The following TAPBPL variants were observed in gnomAD, a reference collection of about 807,000 sequenced individuals.
TAPBPL encodes TAP binding protein like, also known as tapasin-related protein.
A neutral mutation model predicts 44.8 loss-of-function variants in TAPBPL; 32 were observed. The observed-to-expected ratio is 0.71, with a 90% CI of 0.54 to 0.96. The LOEUF is 0.96. TAPBPL is among the 40% of genes least tolerant of loss of function. The pLI is 0.00. For synonymous variants in TAPBPL, 230 were observed against 240.7 expected (o/e 0.96, Z 0.41); for missense variants, 520 against 586.6 (o/e 0.89, Z 1.17).
rs1207495977 is a variant in TAPBPL, at chr12:6,462,257, T to C, written c.*108T>C. ...GCCAGTTTAATGGTAGGAATTTGTA[T>C]TTTTTGCCTTTGTTCAGAATACATG... On this transcript the variant is annotated 3_prime_UTR_variant, in exon 7 of 7. Transcript: ENST00000266556. 11 of 977,280 alleles carry C rather than the reference T, an allele frequency of 1.1e-5. No homozygotes were observed. Among genetic ancestry groups the C allele is most frequent in the Non-Finnish European group, 1.5e-5 (10 of 667,812 alleles). The allele number at this position is 977,280 out of a possible 1,614,324, so 60.5% of individuals were successfully genotyped here.
intron 4 of TAPBPL, among the ~76,000 whole-genome samples, chr12:6,458,161 A>C (rs1171104348): frequency 1.3e-5 from 2 of 152,156 alleles, no homozygotes; most frequent in Admixed American, 6.5e-5. Flanking sequence ...GCGGATCACG[A>C]GGTCAGGAGT....
intron 3 of TAPBPL, among the ~76,000 whole-genome samples, chr12:6,456,632 G>A (rs1356865841): frequency 1.3e-5 from 2 of 151,400 alleles, no homozygotes; most frequent in African/African-American, 2.4e-5. Context: ...CCAATACCAC[G>A]TGTGTTTTTT....
At chr12:6,470,596 G>A (rs1945749421), downstream of TAPBPL, 18 of 1,606,224 alleles carry the variant, frequency 1.1e-5, no homozygotes, top group Non-Finnish European at 1.4e-5. Context: ...CCCGGTGAGG[G>A]ACGCTGCGGC....
At chr12:6,464,948 A>C (rs1592146595), downstream of TAPBPL, 2 of 1,613,696 alleles carry the variant, frequency 1.2e-6, no homozygotes, top group East Asian at 2.2e-5. Context: ...TCATCTGAGG[A>C]AACATGGACA....
At chr12:6,467,213 GA>G, downstream of TAPBPL, 1 of 161,254 alleles carries the variant, frequency 6.2e-6, no homozygotes, top group African/African-American at 2.4e-5. Flanking sequence ...GGGTGTTGCT[GA>G]AAAGATACCC....
chr12:6,465,458 G>GTA (rs1285888979), downstream of TAPBPL: 1 of 101,894 alleles, frequency 9.8e-6, no homozygotes, highest in African/African-American at 5.3e-5. Context: ...ATACATATGT[G>GTA]TATATATAGT....
At position 6,460,852 on chromosome 12, in the gene TAPBPL, C is replaced by G; in HGVS notation, c.1208-3C>G. On this transcript the variant is annotated splice_region_variant and splice_polypyrimidine_tract_variant and intron_variant, in intron 5 of 6. Coordinates refer to ENST00000266556, the MANE Select transcript of TAPBPL (RefSeq NM_018009.5). Reference sequence around the variant, plus strand: ...TCCCCGCCCACGTTGCTCTCACCTACAGAGCGGAGAACAGCCTTGGGAGTC... The same window carrying G: ...TCCCCGCCCACGTTGCTCTCACCTAGAGAGCGGAGAACAGCCTTGGGAGTC... The G allele has an allele frequency of 6.2e-7, 1 of 1,614,102 alleles. No homozygotes were observed. The highest frequency in any genetic ancestry group is 8.5e-7 in the Non-Finnish European group (1 of 1,179,974).
chr12:6,463,078 C>T, downstream of TAPBPL: 2 of 1,531,454 alleles, frequency 1.3e-6, no homozygotes, highest in East Asian at 4.9e-5. This position sits in a 1 kb window ranked among gnomAD's most constrained non-coding sequence, Gnocchi z 4.0. Context: ...ATTAATAGCC[C>T]ATCCTGAAGC....
chr12:6,467,949 C>T (rs978973991), downstream of TAPBPL, among the ~76,000 whole-genome samples: 6 of 152,220 alleles, frequency 3.9e-5, no homozygotes, highest in African/African-American at 1.2e-4. Context: ...CGGGAACCTC[C>T]GTCTAGACTT....
downstream of TAPBPL, chr12:6,464,193 T>C (rs1335064170): frequency 6.1e-6 from 9 of 1,471,588 alleles, no homozygotes; most frequent in Non-Finnish European, 8.1e-6. Flanking sequence ...TCCAACTCTT[T>C]GGGGCTTTGG....
At position 6,452,276 on chromosome 12, in the gene TAPBPL, C is replaced by T. The variant is rs1308977192; in HGVS notation, c.28C>T (p.Leu10=). The change falls in exon 1 of 7, where the codon CTG becomes TTG. Residue 10 remains leucine (L), a synonymous_variant. Coordinates refer to ENST00000266556, the MANE Select transcript of TAPBPL (RefSeq NM_018009.5). MGTQEGWCL[L]LCLALSGAAE... ...GGGCACACAGGAGGGCTGGTGCCTG[C>T]TGCTCTGCCTGGCTCTATCTGGAGC... 1 of 1,574,860 alleles carries T rather than the reference C, an allele frequency of 6.3e-7. No homozygotes were observed. The highest frequency in any genetic ancestry group is 1.3e-5 in the African/African-American group (1 of 74,792).
Position 6,457,433 on chromosome 12 carries a change from A to T in TAPBPL, c.593A>T (p.Gln198Leu). ...GAGTTCCAGGTGATGACACAGACCC[A>T]ATCCCTGAGCTTCCTGCTGGGGTCC... ...AVEFQVMTQT[Q>L]SLSFLLGSSA... The change falls in exon 4 of 7, where the codon CAA becomes CTA. Residue 198 changes from glutamine to leucine, a missense_variant. Physicochemically the swap from Gln to Leu is moderately radical, Grantham distance 113. Coordinates refer to ENST00000266556, the MANE Select transcript of TAPBPL (RefSeq NM_018009.5). 6.2e-7 allele frequency: 1 copy of T among 1,614,116 alleles called. No homozygotes were observed.
rs373537431 is a variant in TAPBPL at position 6,453,104 on chromosome 12, C to T, written c.102C>T (p.Asp34=). The T allele has an allele frequency of 5.3e-5, 83 of 1,579,194 alleles. No individual in the cohort carries two copies. Among genetic ancestry groups the T allele is most frequent in the Non-Finnish European group, 7.1e-5 (82 of 1,162,352 alleles). Residue 34 remains aspartate, a synonymous_variant, in exon 2 of 7, where the codon GAC becomes GAT. Transcript: ENST00000266556. This position sits in a 1 kb window ranked among gnomAD's most constrained non-coding sequence, Gnocchi z 4.8. ...CAGAGGGGCAGTGGCGGGCAGTGGA[C>T]GTGGTCCTAGACTGCTTCCTGGCGA... The part of the protein sequence containing the change: ...HPAEGQWRAV[D]VVLDCFLAKD...
downstream of TAPBPL, chr12:6,470,638 G>C (rs1041466133): frequency 9.5e-6 from 14 of 1,478,628 alleles, no homozygotes; most frequent in South Asian, 9.3e-5. Context: ...GCTCCGCCTC[G>C]CGCCGACTAC....
chr12:6,454,148 C>CTA (rs1565515339), intron 3 of TAPBPL, among the ~76,000 whole-genome samples: 1 of 152,186 alleles, frequency 6.6e-6, no homozygotes, highest in Admixed American at 6.5e-5. Context: ...CAGGGCACCC[C>CTA]TAGGCCTTGG....
At chr12:6,459,659 C>T (rs1426455293) in intron 5 of TAPBPL, among the ~76,000 whole-genome samples, 2 of 152,168 alleles carry the variant, frequency 1.3e-5, no homozygotes, top group Admixed American at 6.5e-5. Context: ...CTTAATTAAA[C>T]CCTGTAGATC....
chr12:6,458,104 G>A (rs910453207), intron 4 of TAPBPL, among the ~76,000 whole-genome samples: 1 of 152,190 alleles, frequency 6.6e-6, no homozygotes, highest in Admixed American at 6.5e-5. Flanking sequence ...CTCTGGCTTA[G>A]AGGCCGGGCG....
downstream of TAPBPL, chr12:6,462,985 G>C (rs910962078): frequency 3.2e-6 from 5 of 1,551,072 alleles, no homozygotes; most frequent in South Asian, 4.8e-5. Flanking sequence ...CGTGGACCGA[G>C]GGAAGAAGGA....
In TAPBPL at chr12:6,453,388, C is replaced by T. The variant is rs182450186; in HGVS notation, c.296-59C>T. The T allele has an allele frequency of 4.8e-4, 767 of 1,608,424 alleles. No individual in the cohort carries two copies. The highest frequency in any genetic ancestry group is 6.2e-4 in the Non-Finnish European group (729 of 1,176,596). Reference sequence around the variant, plus strand: ...GATTACAGCCACACATACTGCCTCCCGTTGGCCCTGGTGTTCTCACGCTAA... The same window carrying T: ...GATTACAGCCACACATACTGCCTCCTGTTGGCCCTGGTGTTCTCACGCTAA... On this transcript the variant is annotated intron_variant, in intron 2 of 6. Coordinates refer to ENST00000266556, the MANE Select transcript of TAPBPL (RefSeq NM_018009.5). This position sits in a 1 kb window ranked among gnomAD's most constrained non-coding sequence, Gnocchi z 4.8.
Sources: allele counts gnomAD v4.1 joint callset (sites outside exome capture counted in the v4.1 genomes callset), GRCh38; gene constraint gnomAD v4.1.1; non-coding constraint Gnocchi (gnomAD v3.1); transcripts MANE v1.5; gene names NCBI Gene and HGNC (gene_info 2026-07-23, HGNC 2026-07-21).